PI4KA: variants seen among roughly 807,000 people sequenced by gnomAD.
The protein encoded by PI4KA is PI4-kinase alpha.
PI4KA carries 122 observed loss-of-function variants against 271.4 expected under a neutral mutation model. The observed-to-expected ratio is 0.45, with a 90% confidence interval of 0.39 to 0.52. PI4KA has a LOEUF of 0.52. PI4KA is among the 20% of genes least tolerant of loss of function. PI4KA has a pLI of 0.00. For synonymous variants in PI4KA, 1,041 were observed against 1,078.8 expected, an observed-to-expected ratio of 0.96 and a Z score of 0.69; for missense variants, 1,969 against 2,769.1, an observed-to-expected ratio of 0.71 and a Z score of 6.48.
At chr22:20,837,234 A>T (rs1026494639) in intron 2 of PI4KA, among the ~76,000 whole-genome samples, 2 of 152,206 alleles carry the variant, frequency 1.3e-5, no homozygotes, top group South Asian at 2.1e-4. Flanking sequence ...ACAGAAAATT[A>T]AAAAATCATG....
At position 20,819,679 on chromosome 22, in the gene PI4KA, G is replaced by T. The variant is rs1569070521; in HGVS notation, c.751C>A (p.Leu251Met). ...NLLTVCQEGT[L>M]KRKTSSVSSI... ...GACACACTGCTGGTTTTCCTCTTCA[G>T]GGTACCCTCCTGACAGACAGTCAGC... The change falls in exon 6 of 55, where the codon CTG becomes ATG. Residue 251 changes from leucine to methionine, a missense_variant. Around this residue, in one of 13 missense-constraint regions of PI4KA, gnomAD observed 540 missense variants for 555.5 expected, o/e 0.97. Coordinates refer to ENST00000255882, the MANE Select transcript of PI4KA (RefSeq NM_058004.4). 1.2e-6 allele frequency: 2 copies of T among 1,614,104 alleles called. No individual in the cohort carries two copies. The highest frequency in any genetic ancestry group is 1.7e-6 in the Non-Finnish European group (2 of 1,180,002).
chr22:20,809,158 G>C (rs900625125), intron 9 of PI4KA, among the ~76,000 whole-genome samples: 6 of 152,146 alleles, frequency 3.9e-5, no homozygotes, highest in Admixed American at 1.3e-4. Flanking sequence ...GACTCTGGGA[G>C]TCCAGACAAC....
intron 19 of PI4KA, among the ~76,000 whole-genome samples, chr22:20,766,906 C>A (rs1023753492): frequency 6.6e-6 from 1 of 152,182 alleles, no homozygotes; most frequent in East Asian, 1.9e-4. Flanking sequence ...GGCTGTGACA[C>A]ATCATGCACA....
chr22:20,795,516 C>A (rs911054747), intron 18 of PI4KA, among the ~76,000 whole-genome samples: 1 of 152,132 alleles, frequency 6.6e-6, no homozygotes, highest in South Asian at 2.1e-4. Context: ...CACCCCTCTA[C>A]GCAAAAATAA....
In PI4KA at chr22:20,853,618, T is replaced by C. The variant is rs544911706; in HGVS notation, c.156+4952A>G. Among the ~76,000 whole-genome samples, 258 of 152,296 alleles carry C rather than the reference T, an allele frequency of 1.7e-3. 2 individuals carry two copies. The highest frequency in any genetic ancestry group is 6.0e-3 in the African/African-American group (249 of 41,568). On this transcript the variant is annotated intron_variant, in intron 1 of 54. Coordinates refer to ENST00000255882, the MANE Select transcript of PI4KA (RefSeq NM_058004.4). The stretch of plus-strand genomic sequence containing the variant: ...AGGGCTTCACAGACAGAGTGTCCTC[T>C]GAGGTGGGTTCCAATCCTGGGGGTG...
intron 7 of PI4KA, among the ~76,000 whole-genome samples, chr22:20,817,065 A>G (rs1921902380): frequency 6.6e-6 from 1 of 152,166 alleles, no homozygotes; most frequent in Admixed American, 6.5e-5. Flanking sequence ...TGCGATTCTG[A>G]GTGGCTGAAA....
intron 32 of PI4KA, among the ~76,000 whole-genome samples, chr22:20,740,792 T>A (rs188887147): frequency 6.6e-6 from 1 of 152,000 alleles, no homozygotes. Flanking sequence ...TACTAGACAA[T>A]AGAAGATAAT....
chr22:20,828,648 G>A (rs959743251), intron 3 of PI4KA, among the ~76,000 whole-genome samples: 33 of 151,818 alleles, frequency 2.2e-4, no homozygotes, highest in Admixed American at 1.4e-3. Flanking sequence ...TCTGCCTCCC[G>A]GGTTCAAGCG....
In PI4KA at chr22:20,734,461, A is replaced by G; in HGVS notation, c.3834T>C (p.Ala1278=). The G allele has an allele frequency of 6.2e-7, 1 of 1,613,500 alleles. No homozygotes were observed. Among genetic ancestry groups the G allele is most frequent in the Non-Finnish European group, 8.5e-7 (1 of 1,179,738 alleles). Residue 1278 remains alanine, a synonymous_variant, in exon 33 of 55, where the codon GCT becomes GCC. Coordinates refer to ENST00000255882, the MANE Select transcript of PI4KA (RefSeq NM_058004.4). ...SAEIKEADPL[A]ASEASQPKPC... is the part of the protein sequence containing the mutation. ...GTTTGGGTTGACTTGCTTCCGAGGC[A>G]GCCAGGGGGTCTGCTTCCTTTATCT...
At chr22:20,840,845 G>A (rs543912776) in intron 1 of PI4KA, among the ~76,000 whole-genome samples, 1 of 152,196 alleles carries the variant, frequency 6.6e-6, no homozygotes, top group African/African-American at 2.4e-5. Flanking sequence ...GTAAGACCCT[G>A]TCCCTACAAA....
At chr22:20,833,657 GTTTTTT>G (rs361962) in intron 3 of PI4KA, among the ~76,000 whole-genome samples, 3 of 73,080 alleles carry the variant, frequency 4.1e-5, no homozygotes, top group African/African-American at 5.6e-5. Context: ...GTTTGTTTTT[GTTTTTT>G]TTTTTTTTTT....
intron 8 of PI4KA, among the ~76,000 whole-genome samples, chr22:20,811,437 G>A (rs1388098611): frequency 6.6e-6 from 1 of 152,072 alleles, no homozygotes; most frequent in Non-Finnish European, 1.5e-5. Context: ...AGTCCTTGGA[G>A]CTCATGGCAC....
At chr22:20,851,195 T>C (rs199976833) in intron 1 of PI4KA, among the ~76,000 whole-genome samples, 1 of 110,476 alleles carries the variant, frequency 9.1e-6, no homozygotes, top group East Asian at 2.7e-4. Context: ...CCCTATCTAT[T>C]TTTTTTTTAA....
Position 20,707,704 on chromosome 22 carries a change from C to T in PI4KA, c.*343G>A, listed in dbSNP as rs1361750112. ...AAACCTCACAGATTCCAACACAGCA[C>T]TATTTTGGGTTTTTATTTTGTTGAT... On this transcript the variant is annotated 3_prime_UTR_variant, in exon 55 of 55. Coordinates refer to ENST00000255882, the MANE Select transcript of PI4KA (RefSeq NM_058004.4). 4 of 351,074 alleles carry T rather than the reference C, an allele frequency of 1.1e-5. No individual in the cohort carries two copies. In the Admixed American group the frequency reaches 1.3e-4, roughly 11 times the overall value. 21.7% of individuals were successfully genotyped at this position (351,074 alleles called of 1,614,324 possible). A position where few individuals can be genotyped will look rare whatever the true frequency, so the allele number is the denominator to read the frequency against.
chr22:20,832,963 T>C (rs941083928), intron 3 of PI4KA, among the ~76,000 whole-genome samples: 2 of 152,248 alleles, frequency 1.3e-5, no homozygotes, highest in Non-Finnish European at 2.9e-5. Context: ...AAGAAGACAC[T>C]GGCTTTTGGA....
chr22:20,828,796 G>A (rs913041917), intron 3 of PI4KA, among the ~76,000 whole-genome samples: 7 of 151,936 alleles, frequency 4.6e-5, no homozygotes, highest in African/African-American at 7.3e-5. Context: ...CTCGTAATCC[G>A]CCCACCTCGG....
chr22:20,729,873 C>T lies in PI4KA; in HGVS notation c.4408+19G>A, dbSNP rs1009271981. 3.1e-6 allele frequency: 5 copies of T among 1,613,692 alleles called. No individual in the cohort carries two copies. Among genetic ancestry groups the T allele is most frequent in the Non-Finnish European group, 3.4e-6 (4 of 1,179,840 alleles). On this transcript the variant is annotated intron_variant, in intron 37 of 54. Coordinates refer to ENST00000255882, the MANE Select transcript of PI4KA (RefSeq NM_058004.4). ...GATAGCTTGCATGTGATGGCCCCAG[C>T]AGCACACCTCCCACCGACCTGATTT...
intron 23 of PI4KA, among the ~76,000 whole-genome samples, chr22:20,759,323 C>T (rs9624774): frequency 0.03 from 4,548 of 151,972 alleles, 225 homozygotes; most frequent in African/African-American, 0.1. Flanking sequence ...GGATTACAGG[C>T]GTAAGCCACT....
intron 19 of PI4KA, among the ~76,000 whole-genome samples, chr22:20,778,946 T>C (rs566714469): frequency 7.2e-5 from 11 of 152,296 alleles, no homozygotes; most frequent in Non-Finnish European, 1.3e-4. Flanking sequence ...TTGTCTCTGG[T>C]AACTAAACAC....
Sources: allele counts gnomAD v4.1 joint callset (sites outside exome capture counted in the v4.1 genomes callset), GRCh38; gene constraint gnomAD v4.1.1; regional missense constraint gnomAD v4.1.1; transcripts MANE v1.5; gene names NCBI Gene and HGNC (gene_info 2026-07-23, HGNC 2026-07-21).